Variants in ZBTB20 observed in about 807,000 individuals in gnomAD.
ZBTB20 encodes zinc finger and BTB domain containing 20, also known as zinc finger and BTB domain-containing protein 20.
In ZBTB20, 9 loss-of-function variants were observed where a neutral mutation model predicts 56.9. That is an observed-to-expected ratio of 0.16 (90% CI 0.10 to 0.28). ZBTB20 has a LOEUF of 0.28. Ranked by LOEUF, ZBTB20 falls within the 10% of genes least tolerant of loss-of-function variation. ZBTB20 has a pLI of 1.00. For synonymous variants in ZBTB20, 417 were observed against 420.7 expected (o/e 0.99, Z 0.11); for missense variants, 655 against 1,003.0 (o/e 0.65, Z 4.69).
intron 1 of ZBTB20, among the ~76,000 whole-genome samples, chr3:115,102,170 C>G (rs1254579642): frequency 6.6e-6 from 1 of 152,120 alleles, no homozygotes. Flanking sequence ...CGTAATCCAC[C>G]AATTCAACCT....
At chr3:115,101,431 C>T (rs1159239296) in intron 1 of ZBTB20, among the ~76,000 whole-genome samples, 1 of 152,164 alleles carries the variant, frequency 6.6e-6, no homozygotes, top group African/African-American at 2.4e-5. Flanking sequence ...ACTTTCCCCA[C>T]TCCTAGGTGC....
intron 4 of ZBTB20, among the ~76,000 whole-genome samples, chr3:114,850,321 C>T (rs1478218418): frequency 6.6e-6 from 1 of 152,080 alleles, no homozygotes; most frequent in Non-Finnish European, 1.5e-5. Flanking sequence ...TCAGCCACGA[C>T]CAAAATATAA....
intron 6 of ZBTB20, among the ~76,000 whole-genome samples, chr3:114,643,616 GCA>G (rs1416517509): frequency 2.0e-5 from 3 of 152,072 alleles, no homozygotes; most frequent in African/African-American, 4.8e-5. Context: ...TTGATTTCCT[GCA>G]CAGTTTGATT....
In ZBTB20 at chr3:114,615,888, G is replaced by A. The variant is rs533708767; in HGVS notation, c.-295+77640C>T. On this transcript the variant is annotated intron_variant, in intron 6 of 11. Coordinates refer to ENST00000675478, the MANE Select transcript of ZBTB20 (RefSeq NM_001348800.3). Reference sequence around the variant, plus strand: ...CTTGAGCTCTGCTCTTGCAGTTTACGATGTCAATAGAACCCCTAAATGAAA... The same window carrying A: ...CTTGAGCTCTGCTCTTGCAGTTTACAATGTCAATAGAACCCCTAAATGAAA... Among the ~76,000 whole-genome samples the A allele has an allele frequency of 2.5e-4, 38 of 152,306 alleles. 1 individual carries two copies. Among genetic ancestry groups the A allele is most frequent in the African/African-American group, 7.9e-4 (33 of 41,574 alleles).
At chr3:114,758,399 G>T (rs968850677) in intron 5 of ZBTB20, among the ~76,000 whole-genome samples, 2 of 152,086 alleles carry the variant, frequency 1.3e-5, no homozygotes, top group African/African-American at 4.8e-5. Flanking sequence ...TATTATAGAC[G>T]TCTGAAGTTT....
rs1010017291 is a variant in ZBTB20, at chr3:114,350,166, A to C, written c.1804+108T>G. On this transcript the variant is annotated intron_variant, in intron 11 of 11. Transcript: ENST00000675478. The stretch of plus-strand genomic sequence containing the variant: ...AGAGGCTTGTGGTGGGGTCTGTTTA[A>C]AATCTGAAAGATGATCCCAAACCTT... 1.2e-5 allele frequency: 17 copies of C among 1,475,936 alleles called. No individual in the cohort carries two copies. The African/African-American group carries it at 2.1e-4, about 18-fold the overall frequency. 91.4% of individuals were successfully genotyped at this position (1,475,936 alleles called of 1,614,324 possible).
At chr3:114,370,214 G>A (rs1463788349) in intron 10 of ZBTB20, among the ~76,000 whole-genome samples, 4 of 152,068 alleles carry the variant, frequency 2.6e-5, no homozygotes, top group Admixed American at 6.6e-5. Context: ...TCTATAATGG[G>A]CTAGGAACTC....
intron 10 of ZBTB20, among the ~76,000 whole-genome samples, chr3:114,373,642 A>G (rs1490302655): frequency 6.6e-6 from 1 of 152,044 alleles, no homozygotes; most frequent in Non-Finnish European, 1.5e-5. Flanking sequence ...GCTCTGTAGC[A>G]TTTTGTGCAT....
chr3:114,709,333 T>TA lies in ZBTB20; in HGVS notation c.-342-15759dup, dbSNP rs1392418206. On this transcript the variant is annotated intron_variant, in intron 5 of 11. Coordinates refer to ENST00000675478, the MANE Select transcript of ZBTB20 (RefSeq NM_001348800.3). Reference sequence around the variant, plus strand: ...TCACCCCTACACCCACAATTGACCATAGGTAATTGTGCAAGAGACCACAAA... The same window carrying TA: ...TCACCCCTACACCCACAATTGACCATAAGGTAATTGTGCAAGAGACCACAAA... Among the ~76,000 whole-genome samples, 3 of 151,956 alleles carry TA rather than the reference T, an allele frequency of 2.0e-5. No homozygotes were observed. In the East Asian group the frequency reaches 5.8e-4, roughly 29 times the overall value.
At chr3:114,347,441 C>T (rs1237783998) in intron 11 of ZBTB20, among the ~76,000 whole-genome samples, 2 of 152,058 alleles carry the variant, frequency 1.3e-5, no homozygotes, top group African/African-American at 4.8e-5. Flanking sequence ...CAAGTATCCC[C>T]GTGCTTTCTA....
At chr3:114,923,026 T>A (rs1162387342) in intron 3 of ZBTB20, among the ~76,000 whole-genome samples, 1 of 152,120 alleles carries the variant, frequency 6.6e-6, no homozygotes, top group African/African-American at 2.4e-5. Context: ...TTAACCAAGT[T>A]GATGAAGAAT....
intron 1 of ZBTB20, among the ~76,000 whole-genome samples, chr3:115,117,204 T>G (rs763074817): frequency 6.6e-6 from 1 of 152,148 alleles, no homozygotes; most frequent in Non-Finnish European, 1.5e-5. Context: ...TGTTTGGATT[T>G]TGAAATGTGT....
intron 9 of ZBTB20, 133 bp from the exon 10 acceptor site, chr3:114,380,537 T>C: frequency 8.0e-7 from 1 of 1,257,406 alleles, no homozygotes; most frequent in Non-Finnish European, 1.1e-6. Flanking sequence ...TGTCCCTTGT[T>C]TTAAAACAAG....
At chr3:114,877,990 C>T (rs1371928476) in intron 4 of ZBTB20, among the ~76,000 whole-genome samples, 2 of 152,068 alleles carry the variant, frequency 1.3e-5, no homozygotes, top group East Asian at 3.9e-4. Flanking sequence ...ATATACCAGG[C>T]TCCCTCTTTC....
chr3:114,683,851 T>G (rs559468665), intron 6 of ZBTB20, among the ~76,000 whole-genome samples: 1 of 152,172 alleles, frequency 6.6e-6, no homozygotes, highest in South Asian at 2.1e-4. Flanking sequence ...ATGACAGCAC[T>G]GCCTGACATC....
rs188210651 is a variant in ZBTB20, at chr3:115,127,361, A to T, written c.-703+19858T>A. The stretch of plus-strand genomic sequence containing the variant: ...TCCCAGCACTTTGGGAGGCTAAGGC[A>T]GGCAGATCACTTGAGGTTAAGAGTT... On this transcript the variant is annotated intron_variant, in intron 1 of 11. Transcript: ENST00000675478. Among the ~76,000 whole-genome samples, 1,095 of 152,270 alleles carry T rather than the reference A, an allele frequency of 7.2e-3. 16 individuals carry two copies. Among genetic ancestry groups the T allele is most frequent in the Non-Finnish European group, 6.3e-3 (431 of 68,012 alleles).
At chr3:114,966,898 T>C (rs374338072) in intron 3 of ZBTB20, among the ~76,000 whole-genome samples, 1 of 152,130 alleles carries the variant, frequency 6.6e-6, no homozygotes, top group African/African-American at 2.4e-5. Flanking sequence ...ACATTTTTCA[T>C]GGGAAACATT....
chr3:114,316,348 T>A lies in ZBTB20; in HGVS notation c.*22657A>T, dbSNP rs2078684101. ...ACTGCAAGTAGCTGTTTTTATTTTTTGTGATCTGTTGCAAGAGTCCAACCT... is the reference window on the plus strand; with the variant it reads ...ACTGCAAGTAGCTGTTTTTATTTTTAGTGATCTGTTGCAAGAGTCCAACCT... On this transcript the variant is annotated 3_prime_UTR_variant, in exon 12 of 12. Transcript: ENST00000675478. 2 of 402,926 alleles carry A rather than the reference T, an allele frequency of 5.0e-6. No homozygotes were observed. The highest frequency in any genetic ancestry group is 8.0e-4 in the Middle Eastern group (1 of 1,250). 25.0% of individuals were successfully genotyped at this position (402,926 alleles called of 1,614,324 possible). A position where few individuals can be genotyped will look rare whatever the true frequency, so the allele number is the denominator to read the frequency against.
At chr3:114,775,035 A>C (rs1391552984) in intron 5 of ZBTB20, among the ~76,000 whole-genome samples, 2 of 152,174 alleles carry the variant, frequency 1.3e-5, no homozygotes, top group African/African-American at 2.4e-5. Context: ...ATTTTGCTTT[A>C]ATTTTACAAA....
Sources: gnomAD v4.1 joint callset for allele counts (sites outside exome capture counted in the v4.1 genomes callset) on GRCh38, gnomAD v4.1.1 for gene constraint, MANE v1.5 for transcripts, NCBI Gene and HGNC (gene_info 2026-07-23, HGNC 2026-07-21) for gene names.